BRWD1: variants seen among roughly 807,000 people sequenced by gnomAD.
BRWD1 encodes bromodomain and WD repeat-containing protein 1.
In BRWD1, 82 loss-of-function variants were observed where a neutral mutation model predicts 251.2. That is an observed-to-expected ratio of 0.33 (90% CI 0.27 to 0.39). The LOEUF is 0.39. Among genes scored for constraint, BRWD1 ranks in the 10% least tolerant of loss-of-function variants. BRWD1 has a pLI of 1.00. For missense variants in BRWD1, 2,233 were observed against 2,711.6 expected, an observed-to-expected ratio of 0.82 and a Z score of 3.92; for synonymous variants, 918 against 902.8, an observed-to-expected ratio of 1.02 and a Z score of -0.30.
At chr21:39,271,181 A>T (rs147414901) in intron 13 of BRWD1, among the ~76,000 whole-genome samples, 399 of 152,152 alleles carry the variant, frequency 2.6e-3, no homozygotes, top group African/African-American at 9.1e-3. Context: ...ATTCCCAGCT[A>T]CTCAGAAGGC....
chr21:39,212,437 T>C (rs2032702216), intron 34 of BRWD1, among the ~76,000 whole-genome samples: 4 of 152,152 alleles, frequency 2.6e-5, no homozygotes, highest in Admixed American at 2.6e-4. Flanking sequence ...GTCTTTCCTG[T>C]GGTAGCCTCT....
intron 1 of BRWD1, among the ~76,000 whole-genome samples, chr21:39,320,059 C>G (rs2036732951): frequency 6.6e-6 from 1 of 152,178 alleles, no homozygotes; most frequent in South Asian, 2.1e-4. Context: ...TCCTCCCTCC[C>G]TGCTCCACAC....
Position 39,187,972 on chromosome 21 carries a change from T to C in BRWD1, c.*8287A>G, listed in dbSNP as rs2031339979. Reference sequence around the variant, plus strand: ...AGGGATTTGCCAGACAAAAAGCACTTTGGAGAGTTAACTACTTCATGCAGA... The same window carrying C: ...AGGGATTTGCCAGACAAAAAGCACTCTGGAGAGTTAACTACTTCATGCAGA... On this transcript the variant is annotated 3_prime_UTR_variant, in exon 41 of 41. Coordinates refer to ENST00000342449, the MANE Select transcript of BRWD1 (RefSeq NM_033656.4). 3 of 985,058 alleles carry C rather than the reference T, an allele frequency of 3.0e-6. No individual in the cohort carries two copies. The highest frequency in any genetic ancestry group is 6.2e-5 in the Admixed American group (1 of 16,246). The allele number at this position is 985,058 out of a possible 1,614,324, so 61.0% of individuals were successfully genotyped here. A position where few individuals can be genotyped will look rare whatever the true frequency, so the allele number is the denominator to read the frequency against.
At chr21:39,302,677 T>C (rs545980706) in intron 4 of BRWD1, among the ~76,000 whole-genome samples, 8 of 143,330 alleles carry the variant, frequency 5.6e-5, no homozygotes, top group Non-Finnish European at 9.0e-5. Flanking sequence ...GAATCACGAA[T>C]CTGGGAGGTA....
upstream of BRWD1, chr21:39,314,416 A>G (rs1199956755): frequency 6.8e-6 from 3 of 441,524 alleles, no homozygotes; most frequent in South Asian, 3.2e-5. Context: ...CCATCCAAGC[A>G]TGGACAGGAA....
chr21:39,277,257 G>A lies in BRWD1; in HGVS notation c.1098C>T (p.Ser366=). 6.2e-7 allele frequency: 1 copy of A among 1,604,868 alleles called. No individual in the cohort carries two copies. Among genetic ancestry groups the A allele is most frequent in the Non-Finnish European group, 8.5e-7 (1 of 1,172,848 alleles). The part of the protein sequence containing the change: ...EAPEKIAELE[S]HTDKVDSIQF... ...TTAAAACGTGGATGCTTACAGTGTG[G>A]CTTTCAAGTTCTGCGATTTTTTCGG... is the stretch of plus-strand genomic sequence containing the variant. Residue 366 remains serine, a synonymous_variant, in exon 11 of 41, where the codon AGC becomes AGT. Coordinates refer to ENST00000342449, the MANE Select transcript of BRWD1 (RefSeq NM_033656.4).
intron 27 of BRWD1, among the ~76,000 whole-genome samples, chr21:39,227,889 T>G (rs1027765654): frequency 2.6e-5 from 4 of 152,154 alleles, no homozygotes; most frequent in African/African-American, 9.7e-5. Flanking sequence ...TACAGGGAAG[T>G]CTAAAAGGAA....
chr21:39,214,880 CTTTT>C (rs11337511), intron 32 of BRWD1, among the ~76,000 whole-genome samples: 1 of 117,568 alleles, frequency 8.5e-6, no homozygotes. Context: ...TTTTTTTTTC[CTTTT>C]TTTTTTTTTT....
At chr21:39,307,509 A>G (rs187678310) in intron 4 of BRWD1, among the ~76,000 whole-genome samples, 187 of 152,266 alleles carry the variant, frequency 1.2e-3, no homozygotes, top group African/African-American at 4.2e-3. Context: ...ACTTGTGTGA[A>G]TACATTTGTA....
chr21:39,253,992 C>A (rs2034481435), intron 19 of BRWD1, among the ~76,000 whole-genome samples: 1 of 152,118 alleles, frequency 6.6e-6, no homozygotes, highest in Non-Finnish European at 1.5e-5. Context: ...TTAGGCTGGG[C>A]GTAGTGGCTC....
chr21:39,208,191 C>G (rs1013656873), intron 36 of BRWD1, among the ~76,000 whole-genome samples: 5 of 152,116 alleles, frequency 3.3e-5, no homozygotes, highest in Admixed American at 3.3e-4. Flanking sequence ...GAACTATAAG[C>G]TTTCAATGGT....
In BRWD1 at chr21:39,269,991, C is replaced by A; in HGVS notation, c.1438G>T (p.Asp480Tyr). Residue 480 changes from aspartate (D) to tyrosine (Y), a missense_variant, in exon 15 of 41, where the codon GAT becomes TAT. By Grantham distance (160) the Asp-to-Tyr change is radical. Around this residue, in one of 12 missense-constraint regions of BRWD1, gnomAD observed 315 missense variants for 421.8 expected, o/e 0.75. Transcript: ENST00000342449. Reference protein sequence around the residue: ...EVFVLETHPFDSRIMLSAGHD... With the variant: ...EVFVLETHPFYSRIMLSAGHD... ...CCTGCAGATAACATAATTCTGGAAT[C>A]AAAGGGATGTGTCTCCAGAACAAAT... is the stretch of plus-strand genomic sequence containing the variant. 1 of 1,594,624 alleles carries A rather than the reference C, an allele frequency of 6.3e-7. No homozygotes were observed. The highest frequency in any genetic ancestry group is 8.5e-7 in the Non-Finnish European group (1 of 1,169,890).
chr21:39,313,282 C>T lies in BRWD1; in HGVS notation c.67G>A (p.Ala23Thr). The T allele has an allele frequency of 6.4e-7, 1 of 1,560,512 alleles. No individual in the cohort carries two copies. The highest frequency in any genetic ancestry group is 8.7e-7 in the Non-Finnish European group (1 of 1,148,102). The change falls in exon 2 of 41, where the codon GCC (alanine) becomes ACC (threonine). Residue 23 changes from alanine (A) to threonine (T), a missense_variant. Coordinates refer to ENST00000342449, the MANE Select transcript of BRWD1 (RefSeq NM_033656.4). ...LIESELYFLI[A>T]RYLSAGPCRR... ...CACGGGCCCGCCGATAGGTACCGGG[C>T]GATAAGGAAGTACAGCTCTGCGGGA...
intron 4 of BRWD1, among the ~76,000 whole-genome samples, chr21:39,300,813 C>T (rs1368301789): frequency 1.3e-5 from 2 of 152,214 alleles, no homozygotes; most frequent in Non-Finnish European, 2.9e-5. Flanking sequence ...TTTCTTCAAA[C>T]TACTTCTCCC....
At chr21:39,236,471 C>G in intron 23 of BRWD1, 124 bp downstream of exon 23, 1 of 881,810 alleles carries the variant, frequency 1.1e-6, no homozygotes, top group Non-Finnish European at 1.7e-6. Flanking sequence ...AGCCCCAGAG[C>G]AGGGCCCAAG....
rs2031237380 is a variant in BRWD1, at chr21:39,186,403, C to G, written c.*9856G>C. 1 of 152,168 alleles carries G rather than the reference C, an allele frequency of 6.6e-6. No homozygotes were observed. The highest frequency in any genetic ancestry group is 2.4e-5 in the African/African-American group (1 of 41,448). 9.4% of individuals were successfully genotyped at this position (152,168 alleles called of 1,614,324 possible). Reference sequence around the variant, plus strand: ...ATGGACTTTCTCTAATTGCCTATTTCCAACACTCTACTTCAGAACTCAATA... The same window carrying G: ...ATGGACTTTCTCTAATTGCCTATTTGCAACACTCTACTTCAGAACTCAATA... On this transcript the variant is annotated 3_prime_UTR_variant, in exon 41 of 41. Transcript: ENST00000342449.
Position 39,296,293 on chromosome 21 carries a change from T to C in BRWD1, c.420A>G (p.Pro140=). The change falls in exon 6 of 41, where the codon CCA becomes CCG. Residue 140 remains proline (P), a synonymous_variant. Coordinates refer to ENST00000342449, the MANE Select transcript of BRWD1 (RefSeq NM_033656.4). ...ALHRGRPPEM[P]VNYGSPPNLV... ...GATTTGGTGGGGAACCATAATTCAC[T>C]GGCATTTCAGGAGGTCTTCCTCTAT... is the stretch of plus-strand genomic sequence containing the variant. 4 of 1,601,312 alleles carry C rather than the reference T, an allele frequency of 2.5e-6. No individual in the cohort carries two copies. The South Asian group carries it at 3.4e-5, about 14-fold the overall frequency.
Position 39,295,812 on chromosome 21 carries a change from T to C in BRWD1, c.540A>G (p.Arg180=). 2 of 1,612,636 alleles carry C rather than the reference T, an allele frequency of 1.2e-6. No individual in the cohort carries two copies. The highest frequency in any genetic ancestry group is 1.7e-6 in the Non-Finnish European group (2 of 1,179,092). The change falls in exon 7 of 41, where the codon AGA becomes AGG. Residue 180 remains arginine (R), a synonymous_variant. Coordinates refer to ENST00000342449, the MANE Select transcript of BRWD1 (RefSeq NM_033656.4). Reference sequence around the variant, plus strand: ...CAGCAGATAGATGTCCGAGAATCCTTCTGTGCATTTTTATATGCTGATACA... The same window carrying C: ...CAGCAGATAGATGTCCGAGAATCCTCCTGTGCATTTTTATATGCTGATACA... ...GTMYQHIKMH[R]RILGHLSAVY...
chr21:39,218,167 A>C lies in BRWD1; in HGVS notation c.3644T>G (p.Val1215Gly), dbSNP rs767256109. ...TTCTACTAACCTGTAAAATCGATTA[A>C]CAAGTCTCATTCGAATTGTGTAAAG... ...TDLYTIRMRL[V>G]NRFYRRLSAL... Residue 1215 changes from valine (V) to glycine (G), a missense_variant, in exon 31 of 41, where the codon GTT becomes GGT. Val to Gly is a moderately radical substitution (Grantham distance 109, BLOSUM62 -3). Transcript: ENST00000342449. 6.2e-7 allele frequency: 1 copy of C among 1,606,876 alleles called. No homozygotes were observed. Among genetic ancestry groups the C allele is most frequent in the East Asian group, 2.2e-5 (1 of 44,632 alleles).
Sources: gnomAD v4.1 joint callset for allele counts (sites outside exome capture counted in the v4.1 genomes callset) on GRCh38, gnomAD v4.1.1 for gene constraint, gnomAD v4.1.1 regional missense constraint, MANE v1.5 for transcripts, NCBI Gene and HGNC (gene_info 2026-07-23, HGNC 2026-07-21) for gene names.